Variants in GRM7 observed in about 807,000 individuals in gnomAD.
GRM7 encodes glutamate metabotropic receptor 7.
In GRM7, 35 loss-of-function variants were observed where a neutral mutation model predicts 84.5. That is an observed-to-expected ratio of 0.41 (90% CI 0.32 to 0.55). The LOEUF is 0.55. GRM7 is among the 20% of genes least tolerant of loss of function. GRM7 has a pLI of 0.19. For missense variants in GRM7, 1,003 were observed against 1,194.6 expected, an observed-to-expected ratio of 0.84 and a Z score of 2.36; for synonymous variants, 487 against 455.1, an observed-to-expected ratio of 1.07 and a Z score of -0.89.
Position 7,550,577 on chromosome 3 carries a change from CTGTGTGTGTGTG to C in GRM7, c.1516-27815_1516-27804del, listed in dbSNP as rs369817211. Among the ~76,000 whole-genome samples, 24 of 53,026 alleles carry C rather than the reference CTGTGTGTGTGTG, an allele frequency of 4.5e-4. 1 individual carries two copies. Among genetic ancestry groups the C allele is most frequent in the East Asian group, 2.0e-3 (3 of 1,530 alleles). The allele number at this position is 53,026 out of a possible 152,430, so 34.8% of individuals were successfully genotyped here. Reference sequence around the variant, plus strand: ...TCTCTCTCTCTCTCTCTCTCTCTCTCTGTGTGTGTGTGTGTGTGTGTGTGTGTGTGTGTGTGT... The same window carrying C: ...TCTCTCTCTCTCTCTCTCTCTCTCTCTGTGTGTGTGTGTGTGTGTGTGTGT... On this transcript the variant is annotated intron_variant, in intron 7 of 9. Coordinates refer to ENST00000357716, the MANE Select transcript of GRM7 (RefSeq NM_000844.4).
chr3:7,380,149 T>C (rs936468976), intron 4 of GRM7, among the ~76,000 whole-genome samples: 1 of 152,178 alleles, frequency 6.6e-6, no homozygotes, highest in Non-Finnish European at 1.5e-5. Context: ...AAAAAAATGC[T>C]GGTGACATTT....
intron 5 of GRM7, among the ~76,000 whole-genome samples, chr3:7,446,967 T>C (rs1490735490): frequency 6.6e-6 from 1 of 150,922 alleles, no homozygotes; most frequent in African/African-American, 2.4e-5. Context: ...AAAGAATTTA[T>C]GGGTTATTCT....
intron 1 of GRM7, among the ~76,000 whole-genome samples, chr3:6,987,995 CTTTT>C (rs34837684): frequency 6.2e-5 from 7 of 112,152 alleles, no homozygotes; most frequent in Non-Finnish European, 1.2e-4. Flanking sequence ...TCACCTCTAG[CTTTT>C]TTTTTTTTTT....
At chr3:7,325,381 G>A (rs1300008145) in intron 4 of GRM7, among the ~76,000 whole-genome samples, 1 of 152,184 alleles carries the variant, frequency 6.6e-6, no homozygotes, top group Non-Finnish European at 1.5e-5. Flanking sequence ...TGAATCACTT[G>A]CTGGGTGAAC....
intron 1 of GRM7, among the ~76,000 whole-genome samples, chr3:6,875,921 G>A (rs1695283807): frequency 6.6e-6 from 1 of 151,842 alleles, no homozygotes; most frequent in African/African-American, 2.4e-5. Flanking sequence ...ATCTCAATTT[G>A]TTCATCTTTC....
At chr3:7,023,957 G>C (rs1353833) in intron 1 of GRM7, among the ~76,000 whole-genome samples, 1 of 152,108 alleles carries the variant, frequency 6.6e-6, no homozygotes, top group Non-Finnish European at 1.5e-5. Context: ...AGTCTTCCTA[G>C]GTGGGTGATG....
intron 4 of GRM7, among the ~76,000 whole-genome samples, chr3:7,319,071 G>A (rs1200013694): frequency 6.6e-6 from 1 of 151,984 alleles, no homozygotes; most frequent in Non-Finnish European, 1.5e-5. Context: ...AGAAATACCA[G>A]TAGGTCCTAG....
chr3:7,471,668 A>G (rs1422424738), intron 7 of GRM7, among the ~76,000 whole-genome samples: 1 of 152,098 alleles, frequency 6.6e-6, no homozygotes, highest in Non-Finnish European at 1.5e-5. Context: ...TAATCTCTCT[A>G]CTTTGAGGTA....
intron 1 of GRM7, among the ~76,000 whole-genome samples, chr3:7,060,951 A>G (rs1697415855): frequency 6.6e-6 from 1 of 151,956 alleles, no homozygotes; most frequent in South Asian, 2.1e-4. Flanking sequence ...TGACTGATTT[A>G]TAGAACACAC....
chr3:7,719,825 C>CACACACAG (rs1003335501), intron 9 of GRM7, among the ~76,000 whole-genome samples: 2 of 138,780 alleles, frequency 1.4e-5, no homozygotes, highest in Admixed American at 7.4e-5. Context: ...CACACACACA[C>CACACACAG]AGAAATGATA....
At chr3:7,356,753 G>T (rs1237286189) in intron 4 of GRM7, among the ~76,000 whole-genome samples, 2 of 152,060 alleles carry the variant, frequency 1.3e-5, no homozygotes, top group East Asian at 3.9e-4. Context: ...CTTTTTGAGG[G>T]GTCTCAGGCC....
chr3:7,084,186 G>A (rs1574879620), intron 1 of GRM7, among the ~76,000 whole-genome samples: 2 of 152,130 alleles, frequency 1.3e-5, no homozygotes, highest in East Asian at 3.9e-4. Context: ...GGGCTGAAAA[G>A]GAGAAGTCAG....
chr3:7,534,875 T>G (rs1559386265), intron 7 of GRM7, among the ~76,000 whole-genome samples: 1 of 152,140 alleles, frequency 6.6e-6, no homozygotes, highest in Non-Finnish European at 1.5e-5. Flanking sequence ...GAAATGCATT[T>G]TCTTATATAA....
In GRM7 at chr3:7,452,736, G is replaced by T. The variant is rs781371497; in HGVS notation, c.1304G>T (p.Gly435Val). 1.9e-6 allele frequency: 3 copies of T among 1,613,086 alleles called. No homozygotes were observed. The highest frequency in any genetic ancestry group is 1.1e-5 in the South Asian group (1 of 91,056). ...MNKDLCADYR[G>V]VCPEMEQAGG... ...AAGGATCTCTGTGCTGACTACCGGG[G>T]TGTCTGCCCAGAGATGGAGCAAGCT... Residue 435 changes from glycine (G) to valine (V), a missense_variant, in exon 6 of 10, where the codon GGT becomes GTT. This residue lies in a region of GRM7 where 910 missense variants were observed against 1,126.0 expected (regional missense o/e 0.81). Transcript: ENST00000357716.
intron 2 of GRM7, among the ~76,000 whole-genome samples, chr3:7,224,849 A>G (rs908725394): frequency 2.6e-5 from 4 of 152,114 alleles, no homozygotes; most frequent in African/African-American, 9.7e-5. Context: ...GCGTGCACCT[A>G]AGTCACTACC....
intron 1 of GRM7, among the ~76,000 whole-genome samples, chr3:6,978,072 C>A (rs934989782): frequency 1.1e-4 from 17 of 151,974 alleles, no homozygotes; most frequent in African/African-American, 3.6e-4. Flanking sequence ...AGAGTTTTTG[C>A]AGAAATAATT....
intron 7 of GRM7, among the ~76,000 whole-genome samples, chr3:7,577,483 G>A (rs9879875): frequency 0.33 from 50,774 of 152,022 alleles, 9,185 homozygotes; most frequent in African/African-American, 0.48. Context: ...AACTGATACC[G>A]GGGAAGAGAA....
At chr3:7,138,526 A>G (rs1373841634) in intron 1 of GRM7, among the ~76,000 whole-genome samples, 1 of 151,992 alleles carries the variant, frequency 6.6e-6, no homozygotes, top group Non-Finnish European at 1.5e-5. Context: ...TAAGCAAAGA[A>G]GAGTGAGAAG....
At chr3:7,634,557 G>T (rs368325811) in intron 8 of GRM7, among the ~76,000 whole-genome samples, 1 of 147,482 alleles carries the variant, frequency 6.8e-6, no homozygotes, top group Admixed American at 6.8e-5. Context: ...AGGCCGAGGC[G>T]GGTGGATCAC....
Sources: gnomAD v4.1 joint callset for allele counts (sites outside exome capture counted in the v4.1 genomes callset) on GRCh38, gnomAD v4.1.1 for gene constraint, gnomAD v4.1.1 regional missense constraint, MANE v1.5 for transcripts, NCBI Gene and HGNC (gene_info 2026-07-23, HGNC 2026-07-21) for gene names.